Variants in ZNF609 observed in about 807,000 individuals in gnomAD.
The protein encoded by ZNF609 is zinc finger protein 609.
ZNF609 carries 11 observed loss-of-function variants against 109.5 expected under a neutral mutation model. The ratio of observed to expected loss-of-function variants is 0.10; its 90% CI spans 0.06 to 0.17. The LOEUF is 0.17. Ranked by LOEUF, ZNF609 falls within the 10% of genes least tolerant of loss-of-function variation. The pLI, the probability that ZNF609 is intolerant of heterozygous loss-of-function variation, is 1.00. For missense variants in ZNF609, 1,559 were observed against 1,772.4 expected, an observed-to-expected ratio of 0.88 and a Z score of 2.16; for synonymous variants, 646 against 662.0, an observed-to-expected ratio of 0.98 and a Z score of 0.37.
chr15:64,536,916 G>GAA (rs60594462), intron 2 of ZNF609, among the ~76,000 whole-genome samples: 11 of 55,410 alleles, frequency 2.0e-4, no homozygotes, highest in African/African-American at 6.3e-4. Context: ...TCTCAAAAAA[G>GAA]AAAAAAAAAA....
intron 3 of ZNF609, among the ~76,000 whole-genome samples, chr15:64,655,049 T>A (rs147792496): frequency 1.6e-3 from 231 of 148,414 alleles, no homozygotes; most frequent in African/African-American, 5.6e-3. Context: ...TGAACCGAGA[T>A]TATGCCACTG....
At chr15:64,578,483 A>G (rs879701263) in intron 2 of ZNF609, among the ~76,000 whole-genome samples, 2 of 152,054 alleles carry the variant, frequency 1.3e-5, no homozygotes, top group Non-Finnish European at 2.9e-5. Context: ...TCACAAGGCC[A>G]GGAGTTCGAG....
intron 2 of ZNF609, among the ~76,000 whole-genome samples, chr15:64,545,340 A>G (rs1663429079): frequency 6.6e-6 from 1 of 151,952 alleles, no homozygotes; most frequent in South Asian, 2.1e-4. Flanking sequence ...CTGGAACTAT[A>G]GGCTCACGCT....
chr15:64,487,113 AT>A (rs1055533087), intron 1 of ZNF609, among the ~76,000 whole-genome samples: 6 of 151,714 alleles, frequency 4.0e-5, no homozygotes, highest in South Asian at 2.1e-4. Flanking sequence ...TCATTACTTA[AT>A]TTTTTTTGAT....
At chr15:64,599,170 T>G (rs1172900156) in intron 2 of ZNF609, among the ~76,000 whole-genome samples, 13 of 103,722 alleles carry the variant, frequency 1.3e-4, no homozygotes, top group African/African-American at 7.6e-4. Context: ...TTGTGGTGGT[T>G]TTTTTTTTTT....
chr15:64,666,532 C>T (rs1195619794), intron 3 of ZNF609, among the ~76,000 whole-genome samples: 1 of 151,888 alleles, frequency 6.6e-6, no homozygotes, highest in Non-Finnish European at 1.5e-5. Context: ...GAGATGAAGC[C>T]TTGCTCTGTC....
At chr15:64,613,500 G>C (rs1895748822) in intron 2 of ZNF609, among the ~76,000 whole-genome samples, 1 of 152,154 alleles carries the variant, frequency 6.6e-6, no homozygotes, top group South Asian at 2.1e-4. Context: ...AGCCTCTCAT[G>C]ACAAGGAATT....
chr15:64,629,461 G>A (rs888363270), intron 3 of ZNF609, among the ~76,000 whole-genome samples: 2 of 152,106 alleles, frequency 1.3e-5, no homozygotes, highest in Admixed American at 6.6e-5. Context: ...TGATGACATC[G>A]CAATGGAATC....
intron 2 of ZNF609, among the ~76,000 whole-genome samples, chr15:64,587,266 AG>A (rs1895213741): frequency 2.0e-5 from 3 of 152,244 alleles, no homozygotes; most frequent in African/African-American, 7.2e-5. Flanking sequence ...CAGTGTCGAA[AG>A]AGGTCGAGGA....
intron 2 of ZNF609, among the ~76,000 whole-genome samples, chr15:64,581,269 G>A (rs556186944): frequency 2.6e-5 from 4 of 152,136 alleles, no homozygotes; most frequent in South Asian, 4.2e-4. Flanking sequence ...TTTACTGAGC[G>A]TGGCCTCAGC....
intron 4 of ZNF609, among the ~76,000 whole-genome samples, chr15:64,673,635 T>G (rs1347898720): frequency 3.3e-5 from 5 of 152,232 alleles, no homozygotes; most frequent in African/African-American, 1.2e-4. Flanking sequence ...ACATCTTTTC[T>G]GAAACCATGA....
chr15:64,613,395 C>T (rs1033979185), intron 2 of ZNF609, among the ~76,000 whole-genome samples: 4 of 152,140 alleles, frequency 2.6e-5, no homozygotes, highest in Non-Finnish European at 5.9e-5. Flanking sequence ...GGGATTTACT[C>T]AGGGTATTCT....
At position 64,674,736 on chromosome 15, in the gene ZNF609, G is replaced by A. The variant is rs774578999; in HGVS notation, c.1882G>A (p.Glu628Lys). 3 of 1,614,082 alleles carry A rather than the reference G, an allele frequency of 1.9e-6. No homozygotes were observed. The South Asian group carries it at 3.3e-5, about 18-fold the overall frequency. Reference protein sequence around the residue: ...ETSNDAFDSLERKCMEKEKCK... With the variant: ...ETSNDAFDSLKRKCMEKEKCK... ...AAGCAATGATGCCTTTGATTCTTTA[G>A]AAAGGAAGTGTATGGAAAAAGAAAA... The change falls in exon 5 of 10, where the codon GAA (glutamate) becomes AAA (lysine). Residue 628 changes from glutamate (E) to lysine (K), a missense_variant. Coordinates refer to ENST00000326648, the MANE Select transcript of ZNF609 (RefSeq NM_015042.2).
intron 2 of ZNF609, among the ~76,000 whole-genome samples, chr15:64,613,361 T>TA (rs1895746874): frequency 6.6e-6 from 1 of 152,072 alleles, no homozygotes; most frequent in Non-Finnish European, 1.5e-5. Context: ...TTCCTCCACT[T>TA]ATAGTTAAAT....
At chr15:64,525,865 T>G (rs1274460071) in intron 2 of ZNF609, among the ~76,000 whole-genome samples, 1 of 151,924 alleles carries the variant, frequency 6.6e-6, no homozygotes, top group African/African-American at 2.4e-5. Context: ...CTTGGATCAC[T>G]GCAACCTCCA....
At chr15:64,644,981 T>TTCTTTCTTTCTTTCTTTCTTTC (rs67157103) in intron 3 of ZNF609, among the ~76,000 whole-genome samples, 96 of 139,636 alleles carry the variant, frequency 6.9e-4, no homozygotes, top group African/African-American at 2.5e-3. Flanking sequence ...CTTTCTTTCT[T>TTCTTTCTTTCTTTCTTTCTTTC]TTTCTTTCTT....
intron 2 of ZNF609, among the ~76,000 whole-genome samples, chr15:64,522,591 GTGTT>G (rs1302853913): frequency 6.6e-6 from 1 of 152,120 alleles, no homozygotes; most frequent in Non-Finnish European, 1.5e-5. Flanking sequence ...AGAAGTCTGG[GTGTT>G]TGTTTTTTTT....
intron 1 of ZNF609, among the ~76,000 whole-genome samples, chr15:64,470,887 TA>T (rs1445592915): frequency 6.6e-6 from 1 of 152,232 alleles, no homozygotes; most frequent in Non-Finnish European, 1.5e-5. Context: ...TTAGGATTTT[TA>T]TCAGCATTTT....
intron 2 of ZNF609, among the ~76,000 whole-genome samples, chr15:64,565,247 T>TTATTATTATTATTATTATTATTAC (rs1460948922): frequency 3.4e-5 from 5 of 147,120 alleles, no homozygotes; most frequent in Non-Finnish European, 6.0e-5. Flanking sequence ...ATTATTATTA[T>TTATTATTATTATTATTATTATTAC]TATTACTATT....
Sources: gnomAD v4.1 joint callset for allele counts (sites outside exome capture counted in the v4.1 genomes callset) on GRCh38, gnomAD v4.1.1 for gene constraint, MANE v1.5 for transcripts, NCBI Gene and HGNC (gene_info 2026-07-23, HGNC 2026-07-21) for gene names.